BDP1: variants seen among roughly 807,000 people sequenced by gnomAD.
The protein encoded by BDP1 is transcription factor TFIIIB component B'' homolog.
In BDP1, 169 loss-of-function variants were observed where a neutral mutation model predicts 266.6. The observed-to-expected ratio is 0.63, with a 90% CI of 0.56 to 0.72. The LOEUF is 0.72. Among genes scored for constraint, BDP1 ranks in the 30% least tolerant of loss-of-function variants. The probability of loss-of-function intolerance (pLI) is 0.00; values close to 1 mark genes in which losing one functional copy is unlikely to be tolerated. For missense variants in BDP1, 3,015 were observed against 3,053.8 expected, an observed-to-expected ratio of 0.99 and a Z score of 0.30; for synonymous variants, 1,090 against 1,022.4, an observed-to-expected ratio of 1.07 and a Z score of -1.26.
Position 71,564,899 on chromosome 5 carries a change from CTTTT to C in BDP1, c.*16_*19del. ...GAAACAGAATAAAACAATCTTTTCT[CTTTT>C]TCTTTTTTAAATTAGGTCTAGGATT... On this transcript the variant is annotated 3_prime_UTR_variant, in exon 39 of 39. Transcript: ENST00000358731. The C allele has an allele frequency of 6.4e-7, 1 of 1,574,360 alleles. No homozygotes were observed. The highest frequency in any genetic ancestry group is 8.6e-7 in the Non-Finnish European group (1 of 1,165,562).
At chr5:71,504,860 C>T (rs1408151236) in intron 16 of BDP1, 109 bp downstream of exon 16, 1 of 983,590 alleles carries the variant, frequency 1.0e-6, no homozygotes, top group Non-Finnish European at 1.6e-6. Flanking sequence ...GTCTGCGTGT[C>T]TAGTTATGTA....
At position 71,537,097 on chromosome 5, in the gene BDP1, C is replaced by T. The variant is rs1030211794; in HGVS notation, c.5893-1945C>T. Among the ~76,000 whole-genome samples the T allele has an allele frequency of 3.5e-5, 5 of 143,954 alleles. No individual in the cohort carries two copies. The East Asian group carries it at 1.0e-3, about 30-fold the overall frequency. 94.4% of individuals were successfully genotyped at this position (143,954 alleles called of 152,430 possible). A position where few individuals can be genotyped will look rare whatever the true frequency, so the allele number is the denominator to read the frequency against. ...GAGTGGAGATTGCACCATTGCACTC[C>T]AGCCTAGGCAACAGAGCAAGACTCT... On this transcript the variant is annotated intron_variant, in intron 26 of 38. Coordinates refer to ENST00000358731, the MANE Select transcript of BDP1 (RefSeq NM_018429.3).
chr5:71,561,860 G>C (rs958362187), intron 37 of BDP1, among the ~76,000 whole-genome samples: 1 of 152,116 alleles, frequency 6.6e-6, no homozygotes, highest in African/African-American at 2.4e-5. Context: ...TCTAGAGACC[G>C]GGGTCCTGCT....
At chr5:71,531,092 G>A (rs183858486) in intron 25 of BDP1, among the ~76,000 whole-genome samples, 106 of 152,060 alleles carry the variant, frequency 7.0e-4, no homozygotes, top group Non-Finnish European at 1.4e-3. Context: ...AATAACGTAT[G>A]TCTTGAAGGC....
At chr5:71,554,497 A>G (rs953831196) in intron 35 of BDP1, among the ~76,000 whole-genome samples, 7 of 152,248 alleles carry the variant, frequency 4.6e-5, no homozygotes, top group Non-Finnish European at 1.0e-4. Context: ...TAGACTAGGT[A>G]TAATGTGCCC....
chr5:71,508,873 A>G (rs1382453373), intron 16 of BDP1, among the ~76,000 whole-genome samples: 1 of 152,218 alleles, frequency 6.6e-6, no homozygotes, highest in Non-Finnish European at 1.5e-5. Flanking sequence ...ATTATTGTGT[A>G]TTTGGTCTGT....
chr5:71,474,987 A>T (rs1183155951), intron 7 of BDP1, among the ~76,000 whole-genome samples: 1 of 152,170 alleles, frequency 6.6e-6, no homozygotes, highest in Non-Finnish European at 1.5e-5. Context: ...AATGCATAAC[A>T]CTAATTACTT....
chr5:71,497,553 C>A, intron 13 of BDP1, 127 bp downstream of exon 13: 1 of 669,276 alleles, frequency 1.5e-6, no homozygotes, highest in South Asian at 2.7e-5. Flanking sequence ...CAAGAACTTA[C>A]ATTAACATTA....
chr5:71,478,357 T>G (rs768958585), intron 7 of BDP1, among the ~76,000 whole-genome samples: 47 of 152,322 alleles, frequency 3.1e-4, no homozygotes, highest in South Asian at 1.9e-3. Context: ...AAAAGCTAGT[T>G]TTTAGCATTT....
intron 35 of BDP1, among the ~76,000 whole-genome samples, chr5:71,556,054 A>C (rs1743197488): frequency 6.6e-6 from 1 of 151,636 alleles, no homozygotes; most frequent in African/African-American, 2.4e-5. Context: ...TTTGTGTTAA[A>C]CTCTTCTTCA....
intron 17 of BDP1, chr5:71,511,388 T>C (rs1298367947): frequency 9.0e-6 from 4 of 445,716 alleles, no homozygotes; most frequent in Non-Finnish European, 1.2e-5. Context: ...GAGGCCAAGG[T>C]GGAAGGATTA....
chr5:71,490,949 C>T (rs1295152998), intron 10 of BDP1, 35 bp from the exon 11 acceptor site: 3 of 1,560,130 alleles, frequency 1.9e-6, no homozygotes, highest in Admixed American at 1.9e-5. Flanking sequence ...TTTTTGCTGT[C>T]ATTTTTTAGA....
intron 14 of BDP1, among the ~76,000 whole-genome samples, chr5:71,501,994 G>C (rs1197345710): frequency 6.6e-6 from 1 of 152,076 alleles, no homozygotes. Flanking sequence ...TGGATTCTGG[G>C]CTCTTCCAGG....
chr5:71,558,984 T>A (rs1743434158), intron 36 of BDP1, among the ~76,000 whole-genome samples: 1 of 151,846 alleles, frequency 6.6e-6, no homozygotes, highest in Admixed American at 6.6e-5. Context: ...TGAAACACTG[T>A]CTCTGCTAAA....
chr5:71,552,154 G>A (rs1742842200), intron 34 of BDP1, among the ~76,000 whole-genome samples: 1 of 79,892 alleles, frequency 1.3e-5, no homozygotes, highest in Non-Finnish European at 2.9e-5. Flanking sequence ...GGGGCAGCCG[G>A]GCAGAGACGC....
At chr5:71,490,719 C>T (rs1763533796) in intron 10 of BDP1, among the ~76,000 whole-genome samples, 1 of 152,152 alleles carries the variant, frequency 6.6e-6, no homozygotes, top group South Asian at 2.1e-4. Flanking sequence ...AGTTTCCCTA[C>T]TTGACATATA....
rs552968423 is a variant in BDP1 at position 71,489,777 on chromosome 5, TTAA to T, written c.1492+97_1492+99del. The T allele has an allele frequency of 1.2e-4, 118 of 1,020,842 alleles. No individual in the cohort carries two copies. The African/African-American group carries it at 1.8e-3, about 16-fold the overall frequency. The allele number at this position is 1,020,842 out of a possible 1,614,324, so 63.2% of individuals were successfully genotyped here. ...ACTTAATTTTCTGTCTAGATAGCAA[TTAA>T]TGATGCTTATTAATTGGTTCTGTAC... On this transcript the variant is annotated intron_variant, in intron 10 of 38. Coordinates refer to ENST00000358731, the MANE Select transcript of BDP1 (RefSeq NM_018429.3).
At chr5:71,493,409 G>T (rs1763706988) in intron 11 of BDP1, among the ~76,000 whole-genome samples, 1 of 152,090 alleles carries the variant, frequency 6.6e-6, no homozygotes, top group African/African-American at 2.4e-5. Flanking sequence ...ACAGTCATGG[G>T]ACACCATGAC....
chr5:71,463,493 A>T (rs1017225), intron 3 of BDP1, among the ~76,000 whole-genome samples: 45,672 of 151,890 alleles, frequency 0.3, 7,947 homozygotes, highest in East Asian at 0.5. Flanking sequence ...ATGCCTTGGG[A>T]TTGGGAGCCT....
Sources: allele counts gnomAD v4.1 joint callset (sites outside exome capture counted in the v4.1 genomes callset), GRCh38; gene constraint gnomAD v4.1.1; transcripts MANE v1.5; gene names NCBI Gene and HGNC (gene_info 2026-07-23, HGNC 2026-07-21).